The following STIP1 variants were observed in gnomAD, a reference collection of about 807,000 sequenced individuals.
The protein encoded by STIP1 is stress-induced-phosphoprotein 1.
A neutral mutation model predicts 77.4 loss-of-function variants in STIP1; 16 were observed. That is an observed-to-expected ratio of 0.21 (90% CI 0.14 to 0.31). The LOEUF is 0.31. Among genes scored for constraint, STIP1 ranks in the 10% least tolerant of loss-of-function variants. The pLI is 1.00. For synonymous variants in STIP1, 258 were observed against 246.6 expected, an observed-to-expected ratio of 1.05 and a Z score of -0.44; for missense variants, 524 against 684.8, an observed-to-expected ratio of 0.77 and a Z score of 2.62.
Position 64,194,179 on chromosome 11 carries a change from G to C in STIP1, c.220-10G>C, listed in dbSNP as rs766165647. ...GTTCTCTATTTTGTGTCTGTCTTTG[G>C]TGGTTTAAGGGCTATTCACGAAAAG... On this transcript the variant is annotated splice_polypyrimidine_tract_variant and intron_variant, in intron 2 of 13. Coordinates refer to ENST00000305218, the MANE Select transcript of STIP1 (RefSeq NM_006819.3). The C allele has an allele frequency of 6.2e-7, 1 of 1,607,904 alleles. No individual in the cohort carries two copies. Among genetic ancestry groups the C allele is most frequent in the South Asian group, 1.1e-5 (1 of 89,530 alleles).
intron 10 of STIP1, among the ~76,000 whole-genome samples, chr11:64,202,170 T>G (rs1946225419): frequency 1.3e-5 from 2 of 152,200 alleles, no homozygotes; most frequent in Admixed American, 1.3e-4. Context: ...CCATCCATAC[T>G]TAGACTTGCC....
intron 5 of STIP1, 155 bp from the exon 6 acceptor site, chr11:64,197,116 T>G: frequency 1.1e-6 from 1 of 941,430 alleles, no homozygotes; most frequent in Non-Finnish European, 1.6e-6. Context: ...GGCTGATACT[T>G]TATTGTCTAT....
chr11:64,201,474 C>G (rs1227490901), intron 10 of STIP1, among the ~76,000 whole-genome samples: 1 of 152,198 alleles, frequency 6.6e-6, no homozygotes, highest in Non-Finnish European at 1.5e-5. Flanking sequence ...AATTGTTTGA[C>G]ACTGTGGAGT....
At chr11:64,185,688 T>C (rs1168606313), upstream of STIP1, 2 of 1,235,500 alleles carry the variant, frequency 1.6e-6, no homozygotes, top group African/African-American at 1.5e-5. Context: ...AGACCCCGAC[T>C]GCAGCCGGTA....
chr11:64,197,041 A>T, intron 5 of STIP1: 1 of 548,004 alleles, frequency 1.8e-6, no homozygotes, highest in Non-Finnish European at 3.2e-6. Flanking sequence ...ACAAAGATCT[A>T]GGAGAGTAGG....
At chr11:64,198,038 T>C (rs1248915988) in intron 8 of STIP1, 64 bp downstream of exon 8, 1 of 1,550,110 alleles carries the variant, frequency 6.5e-7, no homozygotes, top group East Asian at 2.3e-5. Context: ...TGTTTCTTAC[T>C]GTTTTATTTA....
At chr11:64,185,296 C>T (rs912772320), upstream of STIP1, 2 of 163,262 alleles carry the variant, frequency 1.2e-5, no homozygotes, top group African/African-American at 4.8e-5. Flanking sequence ...CCTACAGGAC[C>T]AAACGACCGG....
intron 1 of STIP1, among the ~76,000 whole-genome samples, chr11:64,189,383 C>T (rs542822114): frequency 1.2e-3 from 183 of 151,462 alleles, no homozygotes; most frequent in African/African-American, 4.1e-3. Context: ...AATAAATAAG[C>T]GGACATTGTG....
chr11:64,188,355 A>G (rs539911374), intron 1 of STIP1, among the ~76,000 whole-genome samples: 36 of 151,454 alleles, frequency 2.4e-4, no homozygotes, highest in African/African-American at 7.1e-4. Flanking sequence ...AAAAAAAAAA[A>G]AAAAGAAAAG....
intron 5 of STIP1, 190 bp from the exon 6 acceptor site, chr11:64,197,081 A>T: frequency 1.4e-6 from 1 of 706,500 alleles, no homozygotes; most frequent in South Asian, 2.0e-5. Flanking sequence ...GAGCAAGCAA[A>T]GATGAAGTTA....
In STIP1 at chr11:64,203,234, G is replaced by A; in HGVS notation, c.1386+6G>A. On this transcript the variant is annotated splice_donor_region_variant and intron_variant, in intron 12 of 13. Transcript: ENST00000305218. ...ACCTGGACTCCAGCTGTAAGGTGGG[G>A]CTGCTTCTGGCCTCCAGGGGCCCCC... 1 of 1,613,540 alleles carries A rather than the reference G, an allele frequency of 6.2e-7. No homozygotes were observed. The highest frequency in any genetic ancestry group is 8.5e-7 in the Non-Finnish European group (1 of 1,180,028).
intron 11 of STIP1, 34 bp downstream of exon 11, chr11:64,202,946 T>C: frequency 1.2e-6 from 2 of 1,614,152 alleles, no homozygotes; most frequent in Non-Finnish European, 8.5e-7. Context: ...CCCCTGTCTC[T>C]AGCCAAAAGA....
At chr11:64,186,903 A>G (rs969881483) in intron 1 of STIP1, among the ~76,000 whole-genome samples, 5 of 152,164 alleles carry the variant, frequency 3.3e-5, no homozygotes, top group African/African-American at 1.2e-4. Context: ...GATGCGGGAA[A>G]GGGAAGGGTG....
intron 8 of STIP1, 70 bp downstream of exon 8, chr11:64,198,044 A>C: frequency 6.6e-7 from 1 of 1,514,450 alleles, no homozygotes; most frequent in Non-Finnish European, 8.9e-7. Flanking sequence ...TTACTGTTTT[A>C]TTTAATAATG....
intron 1 of STIP1, among the ~76,000 whole-genome samples, chr11:64,187,617 A>T (rs1037672851): frequency 6.6e-6 from 1 of 152,216 alleles, no homozygotes; most frequent in Admixed American, 6.5e-5. Flanking sequence ...TTTTGTGCCC[A>T]TATAATATTT....
intron 4 of STIP1, 42 bp downstream of exon 4, chr11:64,194,662 T>G: frequency 6.2e-7 from 1 of 1,602,330 alleles, no homozygotes; most frequent in South Asian, 1.1e-5. Context: ...AATCGGGGAA[T>G]GTTATGCTTT....
chr11:64,187,067 G>A (rs961564390), intron 1 of STIP1, among the ~76,000 whole-genome samples: 8 of 152,070 alleles, frequency 5.3e-5, no homozygotes, highest in East Asian at 1.9e-4. Flanking sequence ...GGTTTCTGAC[G>A]ACCCGGGGGT....
At chr11:64,197,779 T>A in intron 7 of STIP1, 75 bp from the exon 8 acceptor site, 1 of 1,582,836 alleles carries the variant, frequency 6.3e-7, no homozygotes, top group Non-Finnish European at 8.6e-7. Context: ...CCTTTCTAGC[T>A]GCAGGTGTGT....
Position 64,199,917 on chromosome 11 carries a change from AT to A in STIP1, c.1024-20del, listed in dbSNP as rs376727620. On this transcript the variant is annotated intron_variant, in intron 8 of 13. Transcript: ENST00000305218. ...GATGATTATGAGCGTTTAAATTATT[AT>A]TTCAAGAATTATGTTTTGTAGGCAG... 10,363 of 1,613,318 alleles carry A rather than the reference AT, an allele frequency of 6.4e-3. 51 individuals are homozygous for A. Among genetic ancestry groups the A allele is most frequent in the Non-Finnish European group, 8.2e-3 (9,639 of 1,179,670 alleles).
Sources: allele counts gnomAD v4.1 joint callset (sites outside exome capture counted in the v4.1 genomes callset), GRCh38; gene constraint gnomAD v4.1.1; transcripts MANE v1.5; gene names NCBI Gene and HGNC (gene_info 2026-07-23, HGNC 2026-07-21).